TCF7L2: variants seen among roughly 807,000 people sequenced by gnomAD.
TCF7L2 encodes transcription factor 7 like 2, also known as transcription factor 7-like 2.
Under a neutral mutation model 77.9 loss-of-function variants are expected in TCF7L2, and 23 were observed. That is an observed-to-expected ratio of 0.30 (90% confidence interval 0.21 to 0.42). The LOEUF (loss-of-function observed/expected upper bound fraction) is 0.42. TCF7L2 is among the 10% of genes least tolerant of loss of function. TCF7L2 has a pLI of 1.00. For missense variants in TCF7L2, 654 were observed against 793.1 expected (o/e 0.82, Z 2.11); for synonymous variants, 413 against 340.2 (o/e 1.21, Z -2.36).
intron 3 of TCF7L2, among the ~76,000 whole-genome samples, chr10:112,958,385 C>T (rs573144424): frequency 1.5e-4 from 23 of 152,194 alleles, no homozygotes; most frequent in African/African-American, 5.3e-4. Context: ...TTAATTAGTA[C>T]GCACTGTAAT....
chr10:113,008,391 C>T (rs150290319), intron 4 of TCF7L2, among the ~76,000 whole-genome samples: 5 of 152,300 alleles, frequency 3.3e-5, no homozygotes, highest in East Asian at 1.9e-4. Context: ...TGTCTCTCTG[C>T]GTAGCGGCAC....
At chr10:113,130,779 T>TA (rs1564935875) in intron 5 of TCF7L2, among the ~76,000 whole-genome samples, 10 of 150,874 alleles carry the variant, frequency 6.6e-5, no homozygotes, top group Admixed American at 4.0e-4. Flanking sequence ...TTATTATTAT[T>TA]TTTGAGACGG....
At chr10:113,108,838 T>A (rs752379215) in intron 5 of TCF7L2, among the ~76,000 whole-genome samples, 3 of 152,234 alleles carry the variant, frequency 2.0e-5, no homozygotes, top group Admixed American at 6.5e-5. Context: ...ACTTTAGGAA[T>A]AACATATTCT....
At chr10:112,976,098 A>C (rs1190445768) in intron 4 of TCF7L2, among the ~76,000 whole-genome samples, 4 of 152,170 alleles carry the variant, frequency 2.6e-5, no homozygotes, top group Admixed American at 2.6e-4. Flanking sequence ...CAGTTTCCTA[A>C]ATCTGTAAAA....
intron 5 of TCF7L2, among the ~76,000 whole-genome samples, chr10:113,058,722 G>A (rs118069047): frequency 0.045 from 6,845 of 152,084 alleles, 223 homozygotes; most frequent in Non-Finnish European, 0.068. Flanking sequence ...GTGTGTGTGC[G>A]CTGTACGTTA....
At chr10:112,981,089 G>A (rs2040398056) in intron 4 of TCF7L2, among the ~76,000 whole-genome samples, 1 of 152,170 alleles carries the variant, frequency 6.6e-6, no homozygotes, top group African/African-American at 2.4e-5. Context: ...CAAACCACCA[G>A]TATGTTTTAG....
chr10:112,985,755 C>A (rs2041373660), intron 4 of TCF7L2, among the ~76,000 whole-genome samples: 1 of 152,104 alleles, frequency 6.6e-6, no homozygotes, highest in African/African-American at 2.4e-5. Context: ...ATGCCCCCCC[C>A]TTCACTTGGG....
intron 5 of TCF7L2, among the ~76,000 whole-genome samples, chr10:113,047,778 G>A (rs574773744): frequency 1.7e-4 from 26 of 152,256 alleles, no homozygotes; most frequent in African/African-American, 5.3e-4. Context: ...CAAAGATGCC[G>A]TTGGCTCCTG....
Position 112,977,566 on chromosome 10 carries a change from T to C in TCF7L2, c.450+12942T>C, listed in dbSNP as rs12259728. Among the ~76,000 whole-genome samples the C allele has an allele frequency of 4.8e-3, 737 of 152,324 alleles. 6 individuals carry two copies. Among genetic ancestry groups the C allele is most frequent in the African/African-American group, 0.017 (700 of 41,564 alleles). On this transcript the variant is annotated intron_variant, in intron 4 of 13. Coordinates refer to ENST00000627217, the MANE Select transcript of TCF7L2 (RefSeq NM_001146274.2). ...CTGGAGCAGAAAATGTAGCTTGAAC[T>C]GGCGTGATGTTAGCAAGTGTAAACT...
At chr10:113,048,280 C>T (rs2053805718) in intron 5 of TCF7L2, among the ~76,000 whole-genome samples, 1 of 152,168 alleles carries the variant, frequency 6.6e-6, no homozygotes, top group African/African-American at 2.4e-5. Context: ...GTTCATTTGG[C>T]ACCCAGCCTG....
intron 4 of TCF7L2, among the ~76,000 whole-genome samples, chr10:112,983,743 A>G (rs2040948708): frequency 6.6e-6 from 1 of 152,200 alleles, no homozygotes; most frequent in South Asian, 2.1e-4. Flanking sequence ...TAACTGTTCC[A>G]GGGTCCCTGG....
chr10:113,072,202 C>G (rs760703675), intron 5 of TCF7L2, among the ~76,000 whole-genome samples: 22 of 151,182 alleles, frequency 1.5e-4, no homozygotes, highest in Non-Finnish European at 3.1e-4. Context: ...ACTACAGGCA[C>G]CCGCCACCAC....
chr10:113,012,927 C>T (rs1185664209), intron 4 of TCF7L2, among the ~76,000 whole-genome samples: 2 of 152,136 alleles, frequency 1.3e-5, no homozygotes, highest in Non-Finnish European at 2.9e-5. Context: ...CCTTCTGTTA[C>T]TCTACGCGTG....
chr10:113,145,958 T>TGGGGAG, intron 7 of TCF7L2, 53 bp from the exon 8 acceptor site: 1 of 1,350,238 alleles, frequency 7.4e-7, no homozygotes, highest in Non-Finnish European at 1.0e-6. Flanking sequence ...CTTTTTCTTG[T>TGGGGAG]CCCCACCCCC....
intron 5 of TCF7L2, among the ~76,000 whole-genome samples, chr10:113,081,462 A>G (rs138354643): frequency 2.6e-5 from 4 of 152,200 alleles, no homozygotes; most frequent in African/African-American, 9.6e-5. Flanking sequence ...ATGTTCTTCC[A>G]TAGCCAGTCA....
chr10:113,117,317 C>CT (rs2063852908), intron 5 of TCF7L2, among the ~76,000 whole-genome samples: 3 of 151,192 alleles, frequency 2.0e-5, no homozygotes, highest in Non-Finnish European at 4.4e-5. Context: ...CTTTGCTTCT[C>CT]CTAGATGCTA....
At chr10:113,079,614 A>G (rs1036471072) in intron 5 of TCF7L2, among the ~76,000 whole-genome samples, 4 of 152,134 alleles carry the variant, frequency 2.6e-5, no homozygotes, top group African/African-American at 9.7e-5. Flanking sequence ...AACCATCTAA[A>G]TCCAAGAACG....
chr10:113,081,362 TCAGTATAAGCA>T (rs1480696903), intron 5 of TCF7L2, among the ~76,000 whole-genome samples: 1 of 152,196 alleles, frequency 6.6e-6, no homozygotes, highest in Non-Finnish European at 1.5e-5. Context: ...AGCAAGAATC[TCAGTATAAGCA>T]CAGTATAATG....
intron 4 of TCF7L2, among the ~76,000 whole-genome samples, chr10:113,029,955 G>A (rs2049933695): frequency 6.6e-6 from 1 of 152,020 alleles, no homozygotes; most frequent in African/African-American, 2.4e-5. Flanking sequence ...CCCATTTAAG[G>A]TGTACAGTTC....
Sources: allele counts gnomAD v4.1 joint callset (sites outside exome capture counted in the v4.1 genomes callset), GRCh38; gene constraint gnomAD v4.1.1; transcripts MANE v1.5; gene names NCBI Gene and HGNC (gene_info 2026-07-23, HGNC 2026-07-21).